Variants in AHDC1 observed in about 807,000 individuals in gnomAD.
AHDC1 encodes the protein transcription factor Gibbin.
AHDC1 carries 7 observed loss-of-function variants against 87.9 expected under a neutral mutation model. That is an observed-to-expected ratio of 0.08 (90% confidence interval 0.05 to 0.15). AHDC1 has a LOEUF of 0.15. AHDC1 is among the 10% of genes least tolerant of loss of function. The probability of loss-of-function intolerance (pLI) is 1.00; values close to 1 mark genes in which losing one functional copy is unlikely to be tolerated. For missense variants in AHDC1, 1,841 were observed against 2,253.2 expected, an observed-to-expected ratio of 0.82 and a Z score of 3.70; for synonymous variants, 1,051 against 1,006.8, an observed-to-expected ratio of 1.04 and a Z score of -0.83.
intron 3 of AHDC1, among the ~76,000 whole-genome samples, chr1:27,599,461 GC>G: frequency 6.6e-6 from 1 of 152,238 alleles, no homozygotes. Context: ...CCAGGCTCCG[GC>G]CCCCTCCACT....
intron 8 of AHDC1, among the ~76,000 whole-genome samples, chr1:27,536,650 T>C (rs2018651341): frequency 6.6e-6 from 1 of 152,076 alleles, no homozygotes; most frequent in Admixed American, 6.6e-5. Flanking sequence ...GCTGGGGGCA[T>C]CTATCCAGAG....
intron 5 of AHDC1, among the ~76,000 whole-genome samples, chr1:27,553,874 T>G (rs1463041009): frequency 1.3e-5 from 2 of 152,058 alleles, no homozygotes; most frequent in East Asian, 1.9e-4. Flanking sequence ...GAGACCAGCC[T>G]GGGTAACATA....
intron 3 of AHDC1, among the ~76,000 whole-genome samples, chr1:27,600,164 T>C (rs1407028424): frequency 6.6e-6 from 1 of 151,814 alleles, no homozygotes; most frequent in Non-Finnish European, 1.5e-5. Flanking sequence ...ATGCATGTGG[T>C]TGTGGGTCGC....
At chr1:27,559,013 C>T (rs920464111) in intron 3 of AHDC1, 130 bp from the exon 4 acceptor site, 12 of 396,928 alleles carry the variant, frequency 3.0e-5, no homozygotes, top group African/African-American at 1.6e-4. Flanking sequence ...CCAACCTCAT[C>T]GCATTATCCC....
At chr1:27,552,547 G>A (rs192374619) in intron 7 of AHDC1, 153 of 163,692 alleles carry the variant, frequency 9.3e-4, no homozygotes, top group Non-Finnish European at 1.6e-3. Flanking sequence ...ACAGGCATGC[G>A]CCACCACACC....
At chr1:27,578,782 C>T (rs2088828683) in intron 3 of AHDC1, among the ~76,000 whole-genome samples, 1 of 151,558 alleles carries the variant, frequency 6.6e-6, no homozygotes, top group Non-Finnish European at 1.5e-5. Context: ...CTGCAACCTC[C>T]ACCTCCCAGG....
chr1:27,588,680 A>G (rs1412563914), intron 3 of AHDC1, among the ~76,000 whole-genome samples: 1 of 152,178 alleles, frequency 6.6e-6, no homozygotes, highest in African/African-American at 2.4e-5. Context: ...GTGTGTGCAC[A>G]TGGGCAAGAA....
At chr1:27,582,367 C>T (rs1430768074) in intron 3 of AHDC1, among the ~76,000 whole-genome samples, 1 of 152,198 alleles carries the variant, frequency 6.6e-6, no homozygotes, top group Non-Finnish European at 1.5e-5. Context: ...GGAATAACTG[C>T]CTTGTAAACT....
At chr1:27,575,402 G>A (rs2148415072) in intron 3 of AHDC1, among the ~76,000 whole-genome samples, 1 of 152,214 alleles carries the variant, frequency 6.6e-6, no homozygotes, top group African/African-American at 2.4e-5. Context: ...CCCGAAAAGA[G>A]AGGCCGAGGA....
rs377023595 is a variant in AHDC1, at chr1:27,547,277, G to A, written c.*27C>T. 3.0e-5 allele frequency: 46 copies of A among 1,513,860 alleles called. No individual in the cohort carries two copies. In the Middle Eastern group the frequency reaches 5.4e-4, roughly 18 times the overall value. The allele number at this position is 1,513,860 out of a possible 1,614,324, so 93.8% of individuals were successfully genotyped here. ...CAGACTCACCCAGGAACAAAACCTC[G>A]CGGTCCAGTCGGCACTTCAGTTGGC... On this transcript the variant is annotated 3_prime_UTR_variant, in exon 8 of 9. Transcript: ENST00000673934. The surrounding 1 kb of genome is among the most constrained non-coding windows in gnomAD (Gnocchi z 4.9).
intron 3 of AHDC1, among the ~76,000 whole-genome samples, chr1:27,581,762 G>T (rs968089046): frequency 6.6e-6 from 1 of 152,186 alleles, no homozygotes; most frequent in Admixed American, 6.5e-5. Context: ...GCTCCCTACT[G>T]CTGACGACAA....
chr1:27,549,403 C>T lies in AHDC1; in HGVS notation c.2713G>A (p.Ala905Thr), dbSNP rs751166506. Residue 905 changes from alanine (A) to threonine (T), a missense_variant, in exon 8 of 9, where the codon GCT (alanine) becomes ACT (threonine). Ala to Thr is a moderately conservative substitution (Grantham distance 58, BLOSUM62 0). Coordinates refer to ENST00000673934, the MANE Select transcript of AHDC1 (RefSeq NM_001371928.1). ...GGCTGAAAGGAGGGGTCCGCCCCAG[C>T]CCCGCTGCTACCCACTGCCACTGGG... ...ASPVAVGSSG[A>T]GADPSFQPVL... 4.3e-6 allele frequency: 7 copies of T among 1,612,812 alleles called. No homozygotes were observed. The Admixed American group carries it at 1.2e-4, about 27-fold the overall frequency.
In AHDC1 at chr1:27,549,410, G is replaced by A. The variant is rs1571233951; in HGVS notation, c.2706C>T (p.Ser902=). The A allele has an allele frequency of 1.2e-6, 2 of 1,612,908 alleles. No homozygotes were observed. The highest frequency in any genetic ancestry group is 8.5e-7 in the Non-Finnish European group (1 of 1,179,848). ...GAKASPVAVG[S]SGAGADPSFQ... ...AGGAGGGGTCCGCCCCAGCCCCGCTGCTACCCACTGCCACTGGGCTGGCCT... is the reference window on the plus strand; with the variant it reads ...AGGAGGGGTCCGCCCCAGCCCCGCTACTACCCACTGCCACTGGGCTGGCCT... Residue 902 remains serine, a synonymous_variant, in exon 8 of 9, where the codon AGC becomes AGT. Coordinates refer to ENST00000673934, the MANE Select transcript of AHDC1 (RefSeq NM_001371928.1).
chr1:27,540,879 G>A (rs1207794709), intron 8 of AHDC1, among the ~76,000 whole-genome samples: 4 of 151,922 alleles, frequency 2.6e-5, no homozygotes, highest in Non-Finnish European at 4.4e-5. Context: ...AAGGAAGGAG[G>A]CTGGAGAGGG....
intron 3 of AHDC1, among the ~76,000 whole-genome samples, chr1:27,592,581 C>G (rs543039835): frequency 1.8e-4 from 28 of 152,124 alleles, no homozygotes; most frequent in South Asian, 4.2e-4. Flanking sequence ...CCCTCCCCCC[C>G]CCAGGCCCTG....
rs151212294 is a variant in AHDC1, at chr1:27,564,718, C to T, written c.-628-5835G>A. ...GTGCCTCCCTGCCGCCCGATGAAGA[C>T]CAATGAATCTGATAGGAGTCCACCA... is the stretch of plus-strand genomic sequence containing the variant. On this transcript the variant is annotated intron_variant, in intron 3 of 8. Transcript: ENST00000673934. Among the ~76,000 whole-genome samples the T allele has an allele frequency of 2.3e-3, 353 of 152,222 alleles. 3 individuals carry two copies. The highest frequency in any genetic ancestry group is 8.0e-3 in the African/African-American group (332 of 41,514).
In AHDC1 at chr1:27,562,901, G is replaced by A. The variant is rs562925377; in HGVS notation, c.-628-4018C>T. 6.6e-6 allele frequency among the ~76,000 whole-genome samples: 1 copy of A among 152,128 alleles called. No individual in the cohort carries two copies. Among genetic ancestry groups the A allele is most frequent in the Non-Finnish European group, 1.5e-5 (1 of 68,010 alleles). On this transcript the variant is annotated intron_variant, in intron 3 of 8. Coordinates refer to ENST00000673934, the MANE Select transcript of AHDC1 (RefSeq NM_001371928.1). This position sits in a 1 kb window ranked among gnomAD's most constrained non-coding sequence, Gnocchi z 4.4. Reference sequence around the variant, plus strand: ...TGACATCTCACACACACAACAGCCAGAGACAGGCGCACAAGTTGGTGACAA... The same window carrying A: ...TGACATCTCACACACACAACAGCCAAAGACAGGCGCACAAGTTGGTGACAA...
At chr1:27,559,633 G>A (rs998293045) in intron 3 of AHDC1, among the ~76,000 whole-genome samples, 3 of 152,242 alleles carry the variant, frequency 2.0e-5, no homozygotes, top group African/African-American at 4.8e-5. Flanking sequence ...TACTGACAAT[G>A]CAGATGTGAG....
chr1:27,598,602 AG>A lies in AHDC1; in HGVS notation c.-629+4794del, dbSNP rs1341775008. Among the ~76,000 whole-genome samples, 9 of 152,214 alleles carry A rather than the reference AG, an allele frequency of 5.9e-5. No individual in the cohort carries two copies. The South Asian group carries it at 1.0e-3, about 18-fold the overall frequency. On this transcript the variant is annotated intron_variant, in intron 3 of 8. Transcript: ENST00000673934. This position sits in a 1 kb window ranked among gnomAD's most constrained non-coding sequence, Gnocchi z 4.2. The stretch of plus-strand genomic sequence containing the variant: ...TGCTCTGGTCCCAGTTCCAGGCATG[AG>A]GGGTTGTTCTTGCCAACTGCACTGG...
Sources: gnomAD v4.1 joint callset for allele counts (sites outside exome capture counted in the v4.1 genomes callset) on GRCh38, gnomAD v4.1.1 for gene constraint, Gnocchi (gnomAD v3.1) non-coding constraint, MANE v1.5 for transcripts, NCBI Gene and HGNC (gene_info 2026-07-23, HGNC 2026-07-21) for gene names.